STK32B: variants seen among roughly 807,000 people sequenced by gnomAD.
The protein encoded by STK32B is serine/threonine kinase 32B, also known as serine/threonine-protein kinase 32B.
Under a neutral mutation model 52.6 loss-of-function variants are expected in STK32B, and 43 were observed. That is an observed-to-expected ratio of 0.82 (90% CI 0.64 to 1.05). STK32B has a LOEUF of 1.05. STK32B is among the 50% of genes least tolerant of loss of function. STK32B has a pLI of 0.00. For synonymous variants in STK32B, 238 were observed against 204.3 expected (o/e 1.17, Z -1.41); for missense variants, 621 against 534.6 (o/e 1.16, Z -1.59).
At chr4:5,200,544 G>C (rs1344154598) in intron 3 of STK32B, among the ~76,000 whole-genome samples, 1 of 152,120 alleles carries the variant, frequency 6.6e-6, no homozygotes, top group Non-Finnish European at 1.5e-5. Context: ...GGATCGTGCG[G>C]CAGATGGGAG....
chr4:5,332,995 G>C (rs766859839), intron 4 of STK32B, among the ~76,000 whole-genome samples: 16 of 152,124 alleles, frequency 1.1e-4, no homozygotes, highest in Admixed American at 3.9e-4. Context: ...ATTTATAGTC[G>C]TTTGGGTATA....
chr4:5,323,635 C>G (rs1731671714), intron 3 of STK32B, among the ~76,000 whole-genome samples: 1 of 152,184 alleles, frequency 6.6e-6, no homozygotes, highest in South Asian at 2.1e-4. Context: ...TTTTTCTGTA[C>G]AATGCCCCAC....
chr4:5,226,921 T>A (rs1049940702), intron 3 of STK32B, among the ~76,000 whole-genome samples: 11 of 152,172 alleles, frequency 7.2e-5, no homozygotes, highest in African/African-American at 2.7e-4. Flanking sequence ...TTAACAGAAG[T>A]AACATTTTAA....
At chr4:5,156,242 T>C (rs1231308889) in intron 2 of STK32B, among the ~76,000 whole-genome samples, 1 of 151,582 alleles carries the variant, frequency 6.6e-6, no homozygotes, top group East Asian at 1.9e-4. Context: ...CATACATTGA[T>C]CTATGATACA....
intron 3 of STK32B, among the ~76,000 whole-genome samples, chr4:5,220,477 A>C (rs1438325081): frequency 6.6e-6 from 1 of 152,226 alleles, no homozygotes; most frequent in Non-Finnish European, 1.5e-5. Context: ...TGAACTGAAT[A>C]CTGAAGGATT....
chr4:5,169,247 A>G (rs1282763510), intron 3 of STK32B, among the ~76,000 whole-genome samples: 1 of 152,170 alleles, frequency 6.6e-6, no homozygotes, highest in Non-Finnish European at 1.5e-5. Context: ...GTCCTCACAC[A>G]GAAATTGCTT....
the STK32B span, among the ~76,000 whole-genome samples, chr4:5,046,040 G>T: frequency 6.6e-6 from 1 of 152,080 alleles, no homozygotes; most frequent in South Asian, 2.1e-4. Context: ...CATCAAAGAA[G>T]ACCCTGTATG....
At chr4:5,171,327 C>G (rs1280169127) in intron 3 of STK32B, among the ~76,000 whole-genome samples, 2 of 151,912 alleles carry the variant, frequency 1.3e-5, no homozygotes, top group Non-Finnish European at 2.9e-5. Flanking sequence ...TCCCATTTGT[C>G]AATTTTGGCT....
At chr4:5,405,739 TA>T (rs2109056080) in intron 5 of STK32B, among the ~76,000 whole-genome samples, 1 of 152,128 alleles carries the variant, frequency 6.6e-6, no homozygotes, top group South Asian at 2.1e-4. Flanking sequence ...ACTAATTCAT[TA>T]TTATGAGAAC....
chr4:5,025,120 C>T, the STK32B span, among the ~76,000 whole-genome samples: 8 of 144,922 alleles, frequency 5.5e-5, no homozygotes, highest in Non-Finnish European at 1.1e-4. Flanking sequence ...AGGGGGGAAT[C>T]CTTGACACCC....
chr4:5,440,918 T>C (rs1365441552), intron 6 of STK32B, among the ~76,000 whole-genome samples: 1 of 151,206 alleles, frequency 6.6e-6, no homozygotes, highest in Non-Finnish European at 1.5e-5. Flanking sequence ...TATTGATTTG[T>C]GTATATTGAA....
intron 3 of STK32B, among the ~76,000 whole-genome samples, chr4:5,174,747 T>C (rs189170052): frequency 2.4e-3 from 366 of 149,900 alleles, no homozygotes; most frequent in Admixed American, 6.4e-3. Context: ...TTTTCCTTCA[T>C]TTCAACTTTG....
At chr4:5,296,292 G>A (rs1477634486) in intron 3 of STK32B, among the ~76,000 whole-genome samples, 2 of 152,156 alleles carry the variant, frequency 1.3e-5, no homozygotes, top group African/African-American at 4.8e-5. Context: ...TTGGTCTAGA[G>A]CTGAGTTCAA....
intron 3 of STK32B, among the ~76,000 whole-genome samples, chr4:5,284,207 G>A (rs548803480): frequency 9.9e-5 from 15 of 152,050 alleles, no homozygotes; most frequent in East Asian, 5.8e-4. Context: ...CATGGCACCC[G>A]CAAAGCAAAA....
chr4:5,153,431 G>C (rs1717535592), intron 2 of STK32B, among the ~76,000 whole-genome samples: 1 of 151,654 alleles, frequency 6.6e-6, no homozygotes, highest in South Asian at 2.1e-4. Context: ...TCAGCCCTCA[G>C]CATGGTACCT....
chr4:5,496,061 C>G (rs1433424088), intron 11 of STK32B, among the ~76,000 whole-genome samples: 1 of 152,228 alleles, frequency 6.6e-6, no homozygotes, highest in Non-Finnish European at 1.5e-5. Context: ...TCTGCCTGTT[C>G]TCAGATCTCC....
Position 5,168,409 on chromosome 4 carries a change from G to C in STK32B, c.219G>C (p.Gln73His), listed in dbSNP as rs745472588. The change falls in exon 3 of 12, where the codon CAG becomes CAC. Residue 73 changes from glutamine (Q) to histidine (H), a missense_variant. Coordinates refer to ENST00000282908, the MANE Select transcript of STK32B (RefSeq NM_018401.3). ...TTCGGAATGTTTTCCGGGAGCTGCA[G>C]ATCATGCAAGGGCTGGAGCACCCCT... ...DEVRNVFRELQIMQGLEHPFL... is the reference protein window; with the variant it reads ...DEVRNVFRELHIMQGLEHPFL... 1.2e-6 allele frequency: 2 copies of C among 1,613,856 alleles called. No homozygotes were observed. The highest frequency in any genetic ancestry group is 3.3e-5 in the Admixed American group (2 of 59,988).
At chr4:5,106,534 A>G (rs1449719905) in intron 1 of STK32B, among the ~76,000 whole-genome samples, 1 of 152,176 alleles carries the variant, frequency 6.6e-6, no homozygotes, top group Admixed American at 6.5e-5. Context: ...TGTGAAATAG[A>G]GGTCTTTATC....
intron 1 of STK32B, among the ~76,000 whole-genome samples, chr4:5,075,452 C>T (rs910919979): frequency 2.6e-5 from 4 of 152,050 alleles, no homozygotes; most frequent in Non-Finnish European, 2.9e-5. Context: ...AAATGTTTCT[C>T]AATCTTTTTG....
Sources: allele counts gnomAD v4.1 joint callset (sites outside exome capture counted in the v4.1 genomes callset), GRCh38; gene constraint gnomAD v4.1.1; transcripts MANE v1.5; gene names NCBI Gene and HGNC (gene_info 2026-07-23, HGNC 2026-07-21).